CES3: variants seen among roughly 807,000 people sequenced by gnomAD.
CES3 encodes carboxylesterase 3 (brain).
In CES3, 49 loss-of-function variants were observed where a neutral mutation model predicts 57.6. The ratio of observed to expected loss-of-function variants is 0.85; its 90% CI spans 0.68 to 1.08. CES3 has a LOEUF of 1.08. Among genes scored for constraint, CES3 ranks in the 50% least tolerant of loss-of-function variants. CES3 has a pLI of 0.00. For synonymous variants in CES3, 266 were observed against 281.6 expected, an observed-to-expected ratio of 0.94 and a Z score of 0.55; for missense variants, 645 against 742.0, an observed-to-expected ratio of 0.87 and a Z score of 1.52.
Position 66,973,507 on chromosome 16 carries a change from T to G in CES3, c.*458T>G. The stretch of plus-strand genomic sequence containing the variant: ...ACCCACACCAGGATCGGGTGGGACC[T>G]GGAGCTAGGGGGTGTTTGCTGAGTG... On this transcript the variant is annotated 3_prime_UTR_variant, in exon 13 of 13. Transcript: ENST00000303334. 1 of 158,906 alleles carries G rather than the reference T, an allele frequency of 6.3e-6. No individual in the cohort carries two copies. The allele number at this position is 158,906 out of a possible 1,614,324, so 9.8% of individuals were successfully genotyped here.
chr16:66,963,366 C>T lies in CES3; in HGVS notation c.270C>T (p.Ala90=). Residue 90 remains alanine, a synonymous_variant, in exon 2 of 13, where the codon GCC becomes GCT. Coordinates refer to ENST00000303334, the MANE Select transcript of CES3 (RefSeq NM_024922.6). The surrounding 1 kb of genome is among the most constrained non-coding windows in gnomAD (Gnocchi z 4.9). The part of the protein sequence containing the change: ...PAQPWEGVRD[A]STAPPMCLQD... ...AGCCCTGGGAGGGTGTGCGGGATGCCAGCACTGCGCCCCCAATGTGAGTAG... is the reference window on the plus strand; with the variant it reads ...AGCCCTGGGAGGGTGTGCGGGATGCTAGCACTGCGCCCCCAATGTGAGTAG... The T allele has an allele frequency of 3.7e-6, 6 of 1,612,932 alleles. No individual in the cohort carries two copies. The highest frequency in any genetic ancestry group is 3.3e-5 in the South Asian group (3 of 91,088).
At position 66,969,323 on chromosome 16, in the gene CES3, T is replaced by C. The variant is rs570163556; in HGVS notation, c.1063-356T>C. Among the ~76,000 whole-genome samples, 138 of 152,226 alleles carry C rather than the reference T, an allele frequency of 9.1e-4. 1 individual carries two copies. Among genetic ancestry groups the C allele is most frequent in the Non-Finnish European group, 1.6e-3 (107 of 67,988 alleles). Reference sequence around the variant, plus strand: ...CGGGAGGCTGAGGCAGGAGAATAGCTTGAACCCAGGAGGCGGAGGTTGCGG... The same window carrying C: ...CGGGAGGCTGAGGCAGGAGAATAGCCTGAACCCAGGAGGCGGAGGTTGCGG... On this transcript the variant is annotated intron_variant, in intron 8 of 12. Transcript: ENST00000303334.
chr16:66,962,529 T>C (rs958889382), intron 1 of CES3, among the ~76,000 whole-genome samples: 4 of 151,666 alleles, frequency 2.6e-5, no homozygotes, highest in African/African-American at 9.7e-5. Context: ...GAGGCTGAGG[T>C]GAAAGGATTG....
Position 66,964,617 on chromosome 16 carries a change from AC to A in CES3, c.715-3del, listed in dbSNP as rs766234911. Reference sequence around the variant, plus strand: ...GACAGCCACCTCCTCTCTCCAATGCACCCAGGTCCTGTCCCCAGTGGCTGCA... The same window carrying A: ...GACAGCCACCTCCTCTCTCCAATGCACCAGGTCCTGTCCCCAGTGGCTGCA... On this transcript the variant is annotated splice_polypyrimidine_tract_variant and splice_region_variant and intron_variant, in intron 5 of 12. Coordinates refer to ENST00000303334, the MANE Select transcript of CES3 (RefSeq NM_024922.6). 6.8e-6 allele frequency: 11 copies of A among 1,613,408 alleles called. No individual in the cohort carries two copies. The Admixed American group carries it at 1.8e-4, about 27-fold the overall frequency.
intron 9 of CES3, among the ~76,000 whole-genome samples, chr16:66,970,968 C>A (rs1057453399): frequency 1.3e-5 from 2 of 152,220 alleles, no homozygotes; most frequent in Non-Finnish European, 2.9e-5. Flanking sequence ...GATCACACAG[C>A]CAAGCAGTGG....
rs561358263 is a variant in CES3, at chr16:66,967,583, C to T, written c.1062+718C>T. ...TCCATTCCTTTCCAGGTGCATAGAA[C>T]TTCCCACAAGAGTGTCAGCACTGTG... is the stretch of plus-strand genomic sequence containing the variant. On this transcript the variant is annotated intron_variant, in intron 8 of 12. Coordinates refer to ENST00000303334, the MANE Select transcript of CES3 (RefSeq NM_024922.6). 11 of 985,422 alleles carry T rather than the reference C, an allele frequency of 1.1e-5. No homozygotes were observed. In the South Asian group the frequency reaches 4.7e-4, roughly 42 times the overall value. 61.0% of individuals were successfully genotyped at this position (985,422 alleles called of 1,614,324 possible). A position where few individuals can be genotyped will look rare whatever the true frequency, so the allele number is the denominator to read the frequency against.
intron 8 of CES3, 63 bp from the exon 9 acceptor site, chr16:66,969,616 G>A: frequency 6.6e-7 from 1 of 1,521,380 alleles, no homozygotes; most frequent in Non-Finnish European, 9.0e-7. Context: ...CTCTTGCCCA[G>A]GGCTGGGAGT....
chr16:66,972,489 C>T lies in CES3; in HGVS notation c.1425C>T (p.Asp475=), dbSNP rs763953391. ...TGTTCGGAGGTCCCTTCCTCATGGA[C>T]GAGAGCTCCCGCCTGGGTGAGGACA... ...AFVFGGPFLM[D]ESSRLAFPEA... is the part of the protein sequence containing the mutation. The change falls in exon 11 of 13, where the codon GAC becomes GAT. Residue 475 remains aspartate (D), a synonymous_variant. Transcript: ENST00000303334. 2.3e-5 allele frequency: 37 copies of T among 1,612,980 alleles called. No individual in the cohort carries two copies. The highest frequency in any genetic ancestry group is 4.0e-5 in the African/African-American group (3 of 74,882).
chr16:66,963,855 C>A lies in CES3; in HGVS notation c.480C>A (p.Tyr160Ter). 1.2e-6 allele frequency: 2 copies of A among 1,614,176 alleles called. No individual in the cohort carries two copies. The highest frequency in any genetic ancestry group is 1.7e-6 in the Non-Finnish European group (2 of 1,180,000). ...TGATAACTGGCGCTGCCACCTCCTA[C>A]GATGGATCAGCTCTGGCTGCCTATG... ...GALITGAATS[Y>*]DGSALAAYGD... Residue 160 changes from tyrosine to a stop codon, truncating the protein, a stop_gained, in exon 4 of 13, where the codon TAC (tyrosine) becomes TAA (stop). Coordinates refer to ENST00000303334, the MANE Select transcript of CES3 (RefSeq NM_024922.6). LOFTEE classifies it high-confidence loss of function. This position sits in a 1 kb window ranked among gnomAD's most constrained non-coding sequence, Gnocchi z 4.9.
At chr16:66,967,256 G>A (rs67483828) in intron 8 of CES3, among the ~76,000 whole-genome samples, 11,275 of 152,134 alleles carry the variant, frequency 0.074, 606 homozygotes, top group African/African-American at 0.16. Flanking sequence ...CTTTCACCAC[G>A]TTGGCCAGGC....
At chr16:66,961,650 G>A (rs576475240) in intron 1 of CES3, among the ~76,000 whole-genome samples, 126 of 152,108 alleles carry the variant, frequency 8.3e-4, no homozygotes, top group African/African-American at 2.8e-3. Context: ...TGCAACCTCC[G>A]CCTCCTGGAT....
chr16:66,965,621 C>T (rs533709022), intron 6 of CES3, among the ~76,000 whole-genome samples: 103 of 152,282 alleles, frequency 6.8e-4, no homozygotes, highest in Middle Eastern at 6.8e-3. Flanking sequence ...CATCCTCTCC[C>T]CATGGCCAGG....
At chr16:66,961,445 A>G in intron 1 of CES3, 56 bp downstream of exon 1, 1 of 1,435,372 alleles carries the variant, frequency 7.0e-7, no homozygotes, top group Admixed American at 1.9e-5. Flanking sequence ...GTCAAGAGTG[A>G]GACAGGGACA....
chr16:66,964,039 C>G, intron 4 of CES3, 104 bp downstream of exon 4: 1 of 1,512,068 alleles, frequency 6.6e-7, no homozygotes, highest in Non-Finnish European at 9.0e-7. Flanking sequence ...AAGGGAGGGC[C>G]CCTTACCCAT....
intron 9 of CES3, among the ~76,000 whole-genome samples, chr16:66,970,597 A>C (rs1439606794): frequency 6.6e-6 from 1 of 152,218 alleles, no homozygotes; most frequent in East Asian, 1.9e-4. Context: ...GCACTTGCCC[A>C]GTTATCCTAT....
chr16:66,963,601 C>T lies in CES3; in HGVS notation c.398C>T (p.Ala133Val), dbSNP rs1357956241. The T allele has an allele frequency of 5.6e-6, 9 of 1,614,094 alleles. No homozygotes were observed. The highest frequency in any genetic ancestry group is 1.3e-5 in the African/African-American group (1 of 74,934). ...DCLVLNVYSPAEVPAGSGRPV... is the reference protein window; with the variant it reads ...DCLVLNVYSPVEVPAGSGRPV... The stretch of plus-strand genomic sequence containing the variant: ...CTGGTCCTCAACGTCTATAGCCCAG[C>T]TGAGGTCCCCGCAGGGTCCGGTAGG... The change falls in exon 3 of 13, where the codon GCT (alanine) becomes GTT (valine). Residue 133 changes from alanine (A) to valine (V), a missense_variant. Transcript: ENST00000303334. The surrounding 1 kb of genome is among the most constrained non-coding windows in gnomAD (Gnocchi z 4.9).
Position 66,972,486 on chromosome 16 carries a change from G to A in CES3, c.1422G>A (p.Met474Ile). The change falls in exon 11 of 13, where the codon ATG (methionine) becomes ATA (isoleucine). Residue 474 changes from methionine (M) to isoleucine (I), a missense_variant. By Grantham distance (10) the Met-to-Ile change is conservative (BLOSUM62 1). Transcript: ENST00000303334. Reference sequence around the variant, plus strand: ...TTGTGTTCGGAGGTCCCTTCCTCATGGACGAGAGCTCCCGCCTGGGTGAGG... The same window carrying A: ...TTGTGTTCGGAGGTCCCTTCCTCATAGACGAGAGCTCCCGCCTGGGTGAGG... ...GAFVFGGPFL[M>I]DESSRLAFPE... The A allele has an allele frequency of 1.2e-6, 2 of 1,613,350 alleles. No individual in the cohort carries two copies. Among genetic ancestry groups the A allele is most frequent in the African/African-American group, 1.3e-5 (1 of 75,016 alleles).
Position 66,963,232 on chromosome 16 carries a change from C to T in CES3, c.136C>T (p.Arg46Trp), listed in dbSNP as rs374819515. The change falls in exon 2 of 13, where the codon CGG becomes TGG. Residue 46 changes from arginine to tryptophan, a missense_variant. Transcript: ENST00000303334. The surrounding 1 kb of genome is among the most constrained non-coding windows in gnomAD (Gnocchi z 4.9). Reference sequence around the variant, plus strand: ...CACCACCCTGGGTCGTGTGCGAGGCCGGCAGGTGGGCGTGAAGGGCACAGA... The same window carrying T: ...CACCACCCTGGGTCGTGTGCGAGGCTGGCAGGTGGGCGTGAAGGGCACAGA... ...VDTTLGRVRG[R>W]QVGVKGTDRL... 1.7e-5 allele frequency: 28 copies of T among 1,614,090 alleles called. No homozygotes were observed. Among genetic ancestry groups the T allele is most frequent in the East Asian group, 6.7e-5 (3 of 44,892 alleles).
At chr16:66,971,611 G>A (rs1166762309) in intron 10 of CES3, among the ~76,000 whole-genome samples, 1 of 152,142 alleles carries the variant, frequency 6.6e-6, no homozygotes, top group Non-Finnish European at 1.5e-5. Flanking sequence ...ACTCAAATGG[G>A]TGATTTCATC....
Sources: allele counts gnomAD v4.1 joint callset (sites outside exome capture counted in the v4.1 genomes callset), GRCh38; gene constraint gnomAD v4.1.1; non-coding constraint Gnocchi (gnomAD v3.1); transcripts MANE v1.5; gene names NCBI Gene and HGNC (gene_info 2026-07-23, HGNC 2026-07-21).